Variants in NELL1 observed in about 807,000 individuals in gnomAD.
NELL1 encodes protein kinase C-binding protein NELL1.
NELL1 carries 76 observed loss-of-function variants against 107.4 expected under a neutral mutation model. The ratio of observed to expected loss-of-function variants is 0.71; its 90% CI spans 0.59 to 0.86. NELL1 has a LOEUF of 0.86. Ranked by LOEUF, NELL1 falls within the 40% of genes least tolerant of loss-of-function variation. The pLI is 0.00. For synonymous variants in NELL1, 353 were observed against 341.2 expected, an observed-to-expected ratio of 1.03 and a Z score of -0.38; for missense variants, 1,024 against 1,005.5, an observed-to-expected ratio of 1.02 and a Z score of -0.25.
At chr11:21,291,878 C>A (rs184882049) in intron 14 of NELL1, among the ~76,000 whole-genome samples, 22 of 152,252 alleles carry the variant, frequency 1.4e-4, no homozygotes, top group Admixed American at 1.4e-3. Context: ...ACTCAACACC[C>A]CTTCATGCTA....
At chr11:21,425,669 A>G (rs1387149236) in intron 15 of NELL1, among the ~76,000 whole-genome samples, 1 of 152,202 alleles carries the variant, frequency 6.6e-6, no homozygotes, top group African/African-American at 2.4e-5. Context: ...AGGCCTGCCA[A>G]TCTATTTTAG....
At chr11:20,676,251 A>G (rs1854053351) in intron 1 of NELL1, among the ~76,000 whole-genome samples, 1 of 135,714 alleles carries the variant, frequency 7.4e-6, no homozygotes. Context: ...CTAAAGTAGG[A>G]CCCCCCCATC....
At chr11:21,205,961 T>C (rs1857381167) in intron 13 of NELL1, among the ~76,000 whole-genome samples, 1 of 152,110 alleles carries the variant, frequency 6.6e-6, no homozygotes, top group Non-Finnish European at 1.5e-5. Flanking sequence ...TCTTTTAGGG[T>C]ATCTTTTTTA....
At chr11:21,449,387 C>T (rs913408222) in intron 15 of NELL1, among the ~76,000 whole-genome samples, 1 of 152,228 alleles carries the variant, frequency 6.6e-6, no homozygotes, top group African/African-American at 2.4e-5. Flanking sequence ...CTTTGCAACT[C>T]TTCTCATTGT....
intron 14 of NELL1, among the ~76,000 whole-genome samples, chr11:21,362,449 G>A (rs1851098960): frequency 6.6e-6 from 1 of 152,202 alleles, no homozygotes; most frequent in Non-Finnish European, 1.5e-5. Context: ...TATGTTTAGT[G>A]TGCTAGCTTT....
At chr11:20,705,985 A>T (rs1854941510) in intron 2 of NELL1, among the ~76,000 whole-genome samples, 1 of 152,242 alleles carries the variant, frequency 6.6e-6, no homozygotes, top group Non-Finnish European at 1.5e-5. Context: ...CACACCAGTT[A>T]GAATGGCGAT....
chr11:20,882,384 A>T (rs945375643), intron 4 of NELL1, among the ~76,000 whole-genome samples: 4 of 152,196 alleles, frequency 2.6e-5, no homozygotes, highest in African/African-American at 9.6e-5. Context: ...TACATACATT[A>T]TGGACCTTGT....
At chr11:20,723,834 T>C (rs11025711) in intron 2 of NELL1, among the ~76,000 whole-genome samples, 107,902 of 152,236 alleles carry the variant, frequency 0.71, 41,383 homozygotes, top group East Asian at 0.95. Flanking sequence ...TACATCCAGG[T>C]GTTTCCATAT....
At chr11:21,160,115 T>G (rs1488272855) in intron 13 of NELL1, among the ~76,000 whole-genome samples, 2 of 152,198 alleles carry the variant, frequency 1.3e-5, no homozygotes, top group Non-Finnish European at 2.9e-5. Flanking sequence ...ATAAGCACAT[T>G]TATCTACTCA....
At chr11:20,872,669 G>C (rs1849224702) in intron 4 of NELL1, among the ~76,000 whole-genome samples, 1 of 79,570 alleles carries the variant, frequency 1.3e-5, no homozygotes, top group Admixed American at 1.4e-4. Context: ...GCCAGTGTTT[G>C]AGGTGTGTGT....
chr11:21,010,666 C>A (rs1191547812), intron 12 of NELL1, among the ~76,000 whole-genome samples: 1 of 151,984 alleles, frequency 6.6e-6, no homozygotes, highest in Non-Finnish European at 1.5e-5. Context: ...GAACTATACA[C>A]CTTAAAAATA....
rs1857145408 is a variant in NELL1, at chr11:21,573,234, A to G, written c.2207A>G (p.Glu736Gly). The G allele has an allele frequency of 1.2e-6, 2 of 1,612,240 alleles. No individual in the cohort carries two copies. The highest frequency in any genetic ancestry group is 2.7e-5 in the African/African-American group (2 of 74,766). ...CTCACTTGCCCCAACTTGAGCTGTGAGTATACAGCTATCTTAGAAGGGGAA... is the reference window on the plus strand; with the variant it reads ...CTCACTTGCCCCAACTTGAGCTGTGGGTATACAGCTATCTTAGAAGGGGAA... ...WPLTCPNLSC[E>G]YTAILEGECC... Residue 736 changes from glutamate to glycine, a missense_variant, in exon 19 of 20, where the codon GAG (glutamate) becomes GGG (glycine). Glu to Gly is a moderately conservative substitution (Grantham distance 98, BLOSUM62 -2). Coordinates refer to ENST00000357134, the MANE Select transcript of NELL1 (RefSeq NM_006157.5).
chr11:20,767,997 C>G (rs2133965105), intron 2 of NELL1, among the ~76,000 whole-genome samples: 1 of 152,218 alleles, frequency 6.6e-6, no homozygotes, highest in South Asian at 2.1e-4. Flanking sequence ...GGAGAGTTGA[C>G]TTTACATTGG....
chr11:21,021,012 AACACACACAC>A (rs56813080), intron 12 of NELL1, among the ~76,000 whole-genome samples: 12 of 140,224 alleles, frequency 8.6e-5, no homozygotes, highest in South Asian at 4.7e-4. Flanking sequence ...AGAAACTTAG[AACACACACAC>A]ACACACACAC....
chr11:20,997,111 A>G (rs1030402517), intron 12 of NELL1, among the ~76,000 whole-genome samples: 5 of 152,260 alleles, frequency 3.3e-5, no homozygotes, highest in African/African-American at 1.2e-4. Flanking sequence ...GGAAAAACAC[A>G]TCAAAGTGTA....
intron 12 of NELL1, among the ~76,000 whole-genome samples, chr11:20,962,268 T>C (rs1332657543): frequency 6.6e-6 from 1 of 152,138 alleles, no homozygotes. Flanking sequence ...CTATTTTCTA[T>C]CAGAAAATTT....
chr11:20,848,024 T>G (rs1168028238), intron 4 of NELL1, among the ~76,000 whole-genome samples: 3 of 152,178 alleles, frequency 2.0e-5, no homozygotes, highest in African/African-American at 7.2e-5. Flanking sequence ...TAAGTGCACC[T>G]CAGTGTGCTC....
At chr11:21,049,072 T>C (rs4922734) in intron 12 of NELL1, among the ~76,000 whole-genome samples, 50,628 of 151,754 alleles carry the variant, frequency 0.33, 9,553 homozygotes, top group East Asian at 0.58. Flanking sequence ...GAAGCTCTGA[T>C]GCTGGTATGG....
chr11:21,287,752 T>C (rs1017946301), intron 14 of NELL1, among the ~76,000 whole-genome samples: 2 of 152,058 alleles, frequency 1.3e-5, no homozygotes, highest in Non-Finnish European at 2.9e-5. Context: ...CTTCCCATTT[T>C]TTGCTGAGAT....
Sources: gnomAD v4.1 joint callset for allele counts (sites outside exome capture counted in the v4.1 genomes callset) on GRCh38, gnomAD v4.1.1 for gene constraint, MANE v1.5 for transcripts, NCBI Gene and HGNC (gene_info 2026-07-23, HGNC 2026-07-21) for gene names.